DNAJB2: variants seen among roughly 807,000 people sequenced by gnomAD.
DNAJB2 encodes the protein dnaJ homolog subfamily B member 2.
DNAJB2 carries 19 observed loss-of-function variants against 33.3 expected under a neutral mutation model. The observed-to-expected ratio is 0.57, with a 90% CI of 0.40 to 0.84. The LOEUF (loss-of-function observed/expected upper bound fraction) is 0.84. DNAJB2 is among the 40% of genes least tolerant of loss of function. DNAJB2 has a pLI of 0.00. For missense variants in DNAJB2, 368 were observed against 430.9 expected, an observed-to-expected ratio of 0.85 and a Z score of 1.29; for synonymous variants, 172 against 164.6, an observed-to-expected ratio of 1.04 and a Z score of -0.34.
Position 219,284,953 on chromosome 2 carries a change from C to G in DNAJB2, c.941C>G (p.Pro314Arg). 6 of 1,544,748 alleles carry G rather than the reference C, an allele frequency of 3.9e-6. No individual in the cohort carries two copies. The highest frequency in any genetic ancestry group is 5.3e-6 in the Non-Finnish European group (6 of 1,141,348). The change falls in exon 9 of 9, where the codon CCA (proline) becomes CGA (arginine). Residue 314 changes from proline (P) to arginine (R), a missense_variant. By Grantham distance (103) the Pro-to-Arg change is moderately radical. Transcript: ENST00000336576. ...RGEATKRSPS[P>R]EEKASRCLIL ...GAAGCAACCAAACGCAGTCCATCCCCAGAGGAGAAGGCCTCTCGCTGCCTC... is the reference window on the plus strand; with the variant it reads ...GAAGCAACCAAACGCAGTCCATCCCGAGAGGAGAAGGCCTCTCGCTGCCTC...
Position 219,284,778 on chromosome 2 carries a change from C to G in DNAJB2, c.766C>G (p.Gln256Glu). 2 of 1,613,338 alleles carry G rather than the reference C, an allele frequency of 1.2e-6. No individual in the cohort carries two copies. The highest frequency in any genetic ancestry group is 1.7e-6 in the Non-Finnish European group (2 of 1,179,854). Residue 256 changes from glutamine (Q) to glutamate (E), a missense_variant, in exon 9 of 9, where the codon CAG becomes GAG. Coordinates refer to ENST00000336576, the MANE Select transcript of DNAJB2 (RefSeq NM_006736.6). Reference sequence around the variant, plus strand: ...CGACCTCTCTGAGGATGAGGACCTGCAGCTGGCCATGGCCTACAGCCTGTC... The same window carrying G: ...CGACCTCTCTGAGGATGAGGACCTGGAGCTGGCCATGGCCTACAGCCTGTC... ...DSDLSEDEDL[Q>E]LAMAYSLSEM...
In DNAJB2 at chr2:219,279,610, G is replaced by C; in HGVS notation, c.-37+92G>C. 1.8e-6 allele frequency: 1 copy of C among 563,290 alleles called. No individual in the cohort carries two copies. Among genetic ancestry groups the C allele is most frequent in the Admixed American group, 3.2e-5 (1 of 31,148 alleles). 34.9% of individuals were successfully genotyped at this position (563,290 alleles called of 1,614,324 possible). A position where few individuals can be genotyped will look rare whatever the true frequency, so the allele number is the denominator to read the frequency against. On this transcript the variant is annotated intron_variant, in intron 1 of 8. Coordinates refer to ENST00000336576, the MANE Select transcript of DNAJB2 (RefSeq NM_006736.6). This position sits in a 1 kb window ranked among gnomAD's most constrained non-coding sequence, Gnocchi z 4.9. ...TAGGGCTCCTGGGCCTGGGCGTCGA[G>C]ATAGCTCTTGGCCCCGGCCTGCGGG...
Position 219,279,715 on chromosome 2 carries a change from C to T in DNAJB2, c.-36-83C>T. 2 of 1,162,256 alleles carry T rather than the reference C, an allele frequency of 1.7e-6. No individual in the cohort carries two copies. The highest frequency in any genetic ancestry group is 2.4e-6 in the Non-Finnish European group (2 of 817,638). The allele number at this position is 1,162,256 out of a possible 1,614,324, so 72.0% of individuals were successfully genotyped here. A position where few individuals can be genotyped will look rare whatever the true frequency, so the allele number is the denominator to read the frequency against. ...GTGCTCCGCTTCCAACTGGGAGCGC[C>T]TTCCGCCACCCGGGGAGGGGGACTG... is the stretch of plus-strand genomic sequence containing the variant. On this transcript the variant is annotated intron_variant, in intron 1 of 8. Coordinates refer to ENST00000336576, the MANE Select transcript of DNAJB2 (RefSeq NM_006736.6). The surrounding 1 kb of genome is among the most constrained non-coding windows in gnomAD (Gnocchi z 4.9).
intron 2 of DNAJB2, among the ~76,000 whole-genome samples, chr2:219,280,364 G>A (rs1464536846): frequency 2.0e-5 from 3 of 152,220 alleles, no homozygotes; most frequent in Non-Finnish European, 4.4e-5. Context: ...CATTGTATCC[G>A]CTTGTACATG....
At chr2:219,281,634 C>A (rs1443260139) in intron 3 of DNAJB2, 84 bp from the exon 4 acceptor site, 1 of 1,580,880 alleles carries the variant, frequency 6.3e-7, no homozygotes, top group Non-Finnish European at 8.7e-7. Flanking sequence ...GAGTGTCAGT[C>A]TCTGGACAAT....
rs1179713620 is a variant in DNAJB2 at position 219,283,026 on chromosome 2, C to G, written c.445+97C>G. ...CAAGCCTGTCTCCTGTGTTGGGAGCCCTGCCTCCAGCAGCCCTGCGAGGCG... is the reference window on the plus strand; with the variant it reads ...CAAGCCTGTCTCCTGTGTTGGGAGCGCTGCCTCCAGCAGCCCTGCGAGGCG... On this transcript the variant is annotated intron_variant, in intron 6 of 8. Coordinates refer to ENST00000336576, the MANE Select transcript of DNAJB2 (RefSeq NM_006736.6). The G allele has an allele frequency of 5.1e-6, 8 of 1,577,012 alleles. No homozygotes were observed. In the African/African-American group the frequency reaches 9.4e-5, roughly 19 times the overall value.
In DNAJB2 at chr2:219,284,688, T is replaced by A; in HGVS notation, c.676T>A (p.Ser226Thr). The A allele has an allele frequency of 6.2e-7, 1 of 1,610,022 alleles. No homozygotes were observed. Among genetic ancestry groups the A allele is most frequent in the Non-Finnish European group, 8.5e-7 (1 of 1,177,474 alleles). Residue 226 changes from serine to threonine, a missense_variant, in exon 9 of 9, where the codon TCA becomes ACA. Physicochemically the swap from Ser to Thr is moderately conservative, Grantham distance 58. Transcript: ENST00000336576. Reference protein sequence around the residue: ...LELSRREQQPSVTSRSGGTQV... With the variant: ...LELSRREQQPTVTSRSGGTQV... ...GCTGAGCCGTCGCGAGCAGCAGCCG[T>A]CAGTCACTTCCAGGTCTGGGGGCAC...
Position 219,279,681 on chromosome 2 carries a change from G to C in DNAJB2, c.-36-117G>C. On this transcript the variant is annotated intron_variant, in intron 1 of 8. Coordinates refer to ENST00000336576, the MANE Select transcript of DNAJB2 (RefSeq NM_006736.6). The surrounding 1 kb of genome is among the most constrained non-coding windows in gnomAD (Gnocchi z 4.9). ...GGAGCCTAGTCACCGGCCGCAAGCA[G>C]AGCCCGGTGTGCTCCGCTTCCAACT... is the stretch of plus-strand genomic sequence containing the variant. 2 of 751,474 alleles carry C rather than the reference G, an allele frequency of 2.7e-6. No homozygotes were observed. The highest frequency in any genetic ancestry group is 1.8e-5 in the African/African-American group (1 of 57,084). 46.6% of individuals were successfully genotyped at this position (751,474 alleles called of 1,614,324 possible).
In DNAJB2 at chr2:219,281,561, C is replaced by T; in HGVS notation, c.176-157C>T. ...GCTGTGTGAAAGGCTGAGTTGCTGCCTAAACCTATAGCCCGTGTCCCCTGG... is the reference window on the plus strand; with the variant it reads ...GCTGTGTGAAAGGCTGAGTTGCTGCTTAAACCTATAGCCCGTGTCCCCTGG... On this transcript the variant is annotated intron_variant, in intron 3 of 8. Coordinates refer to ENST00000336576, the MANE Select transcript of DNAJB2 (RefSeq NM_006736.6). The T allele has an allele frequency of 4.5e-6, 4 of 892,814 alleles. No homozygotes were observed. The East Asian group carries it at 7.5e-5, about 17-fold the overall frequency. The allele number at this position is 892,814 out of a possible 1,614,324, so 55.3% of individuals were successfully genotyped here. A position where few individuals can be genotyped will look rare whatever the true frequency, so the allele number is the denominator to read the frequency against.
chr2:219,283,003 A>C lies in DNAJB2; in HGVS notation c.445+74A>C, dbSNP rs1016652527. 7 of 1,568,118 alleles carry C rather than the reference A, an allele frequency of 4.5e-6. No individual in the cohort carries two copies. The Admixed American group carries it at 9.1e-5, about 20-fold the overall frequency. Reference sequence around the variant, plus strand: ...CTGGCTTGAGCTTGTTGCTTTTCCAAGCCTGTCTCCTGTGTTGGGAGCCCT... The same window carrying C: ...CTGGCTTGAGCTTGTTGCTTTTCCACGCCTGTCTCCTGTGTTGGGAGCCCT... On this transcript the variant is annotated intron_variant, in intron 6 of 8. Transcript: ENST00000336576.
At position 219,282,947 on chromosome 2, in the gene DNAJB2, C is replaced by T; in HGVS notation, c.445+18C>T. ...GCACTCCGGTAAGTTCTGCCCCTTC[C>T]CACGTTTGCAAGCTCCGATTCCTGG... On this transcript the variant is annotated intron_variant, in intron 6 of 8. Coordinates refer to ENST00000336576, the MANE Select transcript of DNAJB2 (RefSeq NM_006736.6). The T allele has an allele frequency of 6.3e-7, 1 of 1,574,906 alleles. No homozygotes were observed. The highest frequency in any genetic ancestry group is 8.6e-7 in the Non-Finnish European group (1 of 1,162,408).
chr2:219,283,785 G>C (rs1399331322), intron 8 of DNAJB2, among the ~76,000 whole-genome samples: 1 of 152,208 alleles, frequency 6.6e-6, no homozygotes, highest in Non-Finnish European at 1.5e-5. Context: ...GGAGTACACA[G>C]GGCAGATGGT....
At position 219,286,120 on chromosome 2, in the gene DNAJB2, G is replaced by A; in HGVS notation, c.*1133G>A. On this transcript the variant is annotated 3_prime_UTR_variant, in exon 9 of 9. Transcript: ENST00000336576. ...TGCTGAGTGTAGAGCCGGGGCCTGG[G>A]TGGCGGGTGGGGGCCGGGTGGGAGG... 9.4e-7 allele frequency: 1 copy of A among 1,069,270 alleles called. No individual in the cohort carries two copies. Among genetic ancestry groups the A allele is most frequent in the Admixed American group, 2.7e-5 (1 of 37,440 alleles). The allele number at this position is 1,069,270 out of a possible 1,614,324, so 66.2% of individuals were successfully genotyped here.
intron 2 of DNAJB2, chr2:219,280,238 G>T: frequency 1.9e-6 from 1 of 520,158 alleles, no homozygotes; most frequent in Non-Finnish European, 3.5e-6. Context: ...AAGATGCAGT[G>T]CAAAGAGGCT....
chr2:219,280,490 G>C (rs1411850156), intron 2 of DNAJB2, 88 bp from the exon 3 acceptor site: 1 of 1,016,456 alleles, frequency 9.8e-7, no homozygotes, highest in Non-Finnish European at 1.5e-6. Context: ...ACAGTGATAG[G>C]CTAATGGGAA....
Position 219,284,920 on chromosome 2 carries a change from C to T in DNAJB2, c.908C>T (p.Ala303Val), listed in dbSNP as rs552929444. 5 of 1,583,116 alleles carry T rather than the reference C, an allele frequency of 3.2e-6. No individual in the cohort carries two copies. Among genetic ancestry groups the T allele is most frequent in the Admixed American group, 1.7e-5 (1 of 57,240 alleles). The change falls in exon 9 of 9, where the codon GCG becomes GTG. Residue 303 changes from alanine (A) to valine (V), a missense_variant. Ala to Val is a moderately conservative substitution (Grantham distance 64, BLOSUM62 0). Coordinates refer to ENST00000336576, the MANE Select transcript of DNAJB2 (RefSeq NM_006736.6). ...DPGLGGTQEGARGEATKRSPS... is the reference protein window; with the variant it reads ...DPGLGGTQEGVRGEATKRSPS... ...GGCTTGGGGGGGACCCAGGAGGGTG[C>T]GAGGGGTGAAGCAACCAAACGCAGT...
chr2:219,281,033 G>A (rs988995208), intron 3 of DNAJB2: 1 of 277,272 alleles, frequency 3.6e-6, no homozygotes, highest in Non-Finnish European at 6.9e-6. Context: ...AACTGAGGCT[G>A]AGAGAGGTGA....
chr2:219,280,802 C>T (rs900506444), intron 3 of DNAJB2, 115 bp downstream of exon 3: 1 of 776,862 alleles, frequency 1.3e-6, no homozygotes, highest in African/African-American at 1.7e-5. Flanking sequence ...TTTTTCCAGC[C>T]TGACATTTAA....
rs2125081401 is a variant in DNAJB2, at chr2:219,279,709, G to A, written c.-36-89G>A. ...CCCGGTGTGCTCCGCTTCCAACTGG[G>A]AGCGCCTTCCGCCACCCGGGGAGGG... On this transcript the variant is annotated intron_variant, in intron 1 of 8. Transcript: ENST00000336576. This position sits in a 1 kb window ranked among gnomAD's most constrained non-coding sequence, Gnocchi z 4.9. 2.9e-6 allele frequency: 3 copies of A among 1,018,426 alleles called. No individual in the cohort carries two copies. Among genetic ancestry groups the A allele is most frequent in the Middle Eastern group, 2.7e-4 (1 of 3,726 alleles). The allele number at this position is 1,018,426 out of a possible 1,614,324, so 63.1% of individuals were successfully genotyped here. A position where few individuals can be genotyped will look rare whatever the true frequency, so the allele number is the denominator to read the frequency against.
Sources: gnomAD v4.1 joint callset for allele counts (sites outside exome capture counted in the v4.1 genomes callset) on GRCh38, gnomAD v4.1.1 for gene constraint, Gnocchi (gnomAD v3.1) non-coding constraint, MANE v1.5 for transcripts, NCBI Gene and HGNC (gene_info 2026-07-23, HGNC 2026-07-21) for gene names.